Variants in C3orf20 observed in about 807,000 individuals in gnomAD.
The protein encoded by C3orf20 is uncharacterized protein C3orf20.
C3orf20 carries 76 observed loss-of-function variants against 88.3 expected under a neutral mutation model. The observed-to-expected ratio is 0.86, with a 90% CI of 0.72 to 1.04. The LOEUF (loss-of-function observed/expected upper bound fraction) is 1.04. Among genes scored for constraint, C3orf20 ranks in the 50% least tolerant of loss-of-function variants. The pLI, the probability that C3orf20 is intolerant of heterozygous loss-of-function variation, is 0.00. For missense variants in C3orf20, 1,056 were observed against 1,123.3 expected, an observed-to-expected ratio of 0.94 and a Z score of 0.86; for synonymous variants, 436 against 437.4, an observed-to-expected ratio of 1.00 and a Z score of 0.04.
intron 12 of C3orf20, among the ~76,000 whole-genome samples, chr3:14,738,073 T>A (rs1462015283): frequency 6.6e-6 from 1 of 152,024 alleles, no homozygotes; most frequent in Admixed American, 6.6e-5. Flanking sequence ...AGTCTTGAAC[T>A]CCTCAGAGTC....
At chr3:14,771,187 A>G (rs1034668454) in intron 15 of C3orf20, among the ~76,000 whole-genome samples, 24 of 152,224 alleles carry the variant, frequency 1.6e-4, no homozygotes, top group African/African-American at 5.5e-4. Flanking sequence ...AGTTATGAGA[A>G]CACAGCCATC....
chr3:14,737,768 C>G (rs1309388218), intron 12 of C3orf20, among the ~76,000 whole-genome samples: 3 of 152,192 alleles, frequency 2.0e-5, no homozygotes, highest in Non-Finnish European at 1.5e-5. Context: ...TAGAATTTTG[C>G]CCATGGAACT....
intron 12 of C3orf20, among the ~76,000 whole-genome samples, chr3:14,738,815 G>GTTT (rs71038433): frequency 0.16 from 15,851 of 97,036 alleles, 1,539 homozygotes; most frequent in South Asian, 0.26. Flanking sequence ...TAATTTTTTT[G>GTTT]TTTTTTTTTT....
In C3orf20 at chr3:14,757,556, A is replaced by T; in HGVS notation, c.2126A>T (p.Gln709Leu). Reference protein sequence around the residue: ...RFLLAPRDPSQVLVFGIISSQ... With the variant: ...RFLLAPRDPSLVLVFGIISSQ... ...CTGTTGGCGCCCCGAGACCCCAGCCAAGTGCTGGTGTTTGGGATCATCTCA... is the reference window on the plus strand; with the variant it reads ...CTGTTGGCGCCCCGAGACCCCAGCCTAGTGCTGGTGTTTGGGATCATCTCA... The change falls in exon 13 of 17, where the codon CAA becomes CTA. Residue 709 changes from glutamine (Q) to leucine (L), a missense_variant. By Grantham distance (113) the Gln-to-Leu change is moderately radical. Transcript: ENST00000253697. 1 of 1,614,040 alleles carries T rather than the reference A, an allele frequency of 6.2e-7. No individual in the cohort carries two copies. The highest frequency in any genetic ancestry group is 8.5e-7 in the Non-Finnish European group (1 of 1,179,978).
chr3:14,736,372 C>T (rs1217936879), intron 12 of C3orf20, among the ~76,000 whole-genome samples: 1 of 151,548 alleles, frequency 6.6e-6, no homozygotes, highest in Non-Finnish European at 1.5e-5. Context: ...CTCACTGCAA[C>T]CTCTGCTTCC....
chr3:14,747,173 T>C (rs535192869), intron 12 of C3orf20, among the ~76,000 whole-genome samples: 1 of 152,374 alleles, frequency 6.6e-6, no homozygotes, highest in South Asian at 2.1e-4. Flanking sequence ...AAGTTACTCA[T>C]AGCAGTTACT....
chr3:14,709,833 T>A (rs1171967361), intron 7 of C3orf20, among the ~76,000 whole-genome samples: 1 of 152,208 alleles, frequency 6.6e-6, no homozygotes, highest in Non-Finnish European at 1.5e-5. Context: ...AGTTTTCTTT[T>A]TATGTATTTG....
chr3:14,764,236 A>G (rs1398703812), intron 15 of C3orf20, among the ~76,000 whole-genome samples: 1 of 152,112 alleles, frequency 6.6e-6, no homozygotes, highest in Non-Finnish European at 1.5e-5. Context: ...ATACATACAA[A>G]CTAGAAACAT....
intron 15 of C3orf20, among the ~76,000 whole-genome samples, chr3:14,769,643 T>G (rs1378972992): frequency 6.6e-6 from 1 of 152,150 alleles, no homozygotes; most frequent in Non-Finnish European, 1.5e-5. Context: ...GCAGGCGTCA[T>G]GCCGTGGGGG....
chr3:14,712,439 G>A lies in C3orf20; in HGVS notation c.1161-1568G>A, dbSNP rs144492675. Among the ~76,000 whole-genome samples the A allele has an allele frequency of 9.9e-5, 15 of 152,158 alleles. No homozygotes were observed. The South Asian group carries it at 1.0e-3, about 11-fold the overall frequency. On this transcript the variant is annotated intron_variant, in intron 7 of 16. Coordinates refer to ENST00000253697, the MANE Select transcript of C3orf20 (RefSeq NM_032137.5). ...GTTGCTTTTAGCCATCCAGTTTATC[G>A]TACTTTGTTATGATAGCCCTAGGAA...
chr3:14,769,560 A>C (rs939676251), intron 15 of C3orf20, among the ~76,000 whole-genome samples: 1 of 152,120 alleles, frequency 6.6e-6, no homozygotes, highest in Non-Finnish European at 1.5e-5. Context: ...AGGGGTAGGC[A>C]GGGGAGTGGG....
intron 9 of C3orf20, among the ~76,000 whole-genome samples, chr3:14,720,757 T>C (rs1180221252): frequency 1.3e-5 from 2 of 152,262 alleles, no homozygotes; most frequent in Non-Finnish European, 2.9e-5. Context: ...CAGCCTTAAA[T>C]GTGAATTGCT....
chr3:14,686,081 C>T (rs1287609456), intron 4 of C3orf20, among the ~76,000 whole-genome samples: 1 of 152,052 alleles, frequency 6.6e-6, no homozygotes, highest in Non-Finnish European at 1.5e-5. Context: ...AGGATGGTCT[C>T]GATCTCTTGA....
intron 7 of C3orf20, among the ~76,000 whole-genome samples, chr3:14,705,282 G>A (rs1168874598): frequency 2.0e-5 from 3 of 152,224 alleles, no homozygotes; most frequent in African/African-American, 7.2e-5. Context: ...TGCCTGTAAG[G>A]CGTTACCTGT....
intron 9 of C3orf20, among the ~76,000 whole-genome samples, chr3:14,719,218 C>T (rs1384683782): frequency 6.6e-6 from 1 of 151,492 alleles, no homozygotes; most frequent in East Asian, 1.9e-4. Flanking sequence ...GGAAGTAGAA[C>T]CAGCTGGTTG....
chr3:14,677,090 G>A (rs1438197178), intron 1 of C3orf20, among the ~76,000 whole-genome samples: 1 of 152,126 alleles, frequency 6.6e-6, no homozygotes, highest in Non-Finnish European at 1.5e-5. Context: ...TTGCAGTCAC[G>A]CGCTGACATC....
At chr3:14,744,547 A>G (rs906029023) in intron 12 of C3orf20, among the ~76,000 whole-genome samples, 4 of 151,758 alleles carry the variant, frequency 2.6e-5, no homozygotes, top group Non-Finnish European at 5.9e-5. Context: ...GCAATGCCCC[A>G]CTCTACTGGT....
chr3:14,722,713 G>A (rs968406816), intron 10 of C3orf20: 3 of 389,472 alleles, frequency 7.7e-6, no homozygotes, highest in African/African-American at 4.2e-5. Flanking sequence ...CCCAGCATGA[G>A]GACTACTTCA....
At chr3:14,770,195 A>C (rs1230171341) in intron 15 of C3orf20, among the ~76,000 whole-genome samples, 1 of 152,286 alleles carries the variant, frequency 6.6e-6, no homozygotes, top group Non-Finnish European at 1.5e-5. Context: ...AAAGGGCCTC[A>C]GGCAGGCCTC....
Sources: gnomAD v4.1 joint callset for allele counts (sites outside exome capture counted in the v4.1 genomes callset) on GRCh38, gnomAD v4.1.1 for gene constraint, MANE v1.5 for transcripts, NCBI Gene and HGNC (gene_info 2026-07-23, HGNC 2026-07-21) for gene names.